Variants in ALK observed in about 807,000 individuals in gnomAD.
ALK encodes the protein ALK receptor tyrosine kinase, also known as ALK tyrosine kinase receptor.
Under a neutral mutation model 163.1 loss-of-function variants are expected in ALK, and 74 were observed. That is an observed-to-expected ratio of 0.45 (90% CI 0.38 to 0.55). The LOEUF is 0.55. Among genes scored for constraint, ALK ranks in the 20% least tolerant of loss-of-function variants. The pLI is 0.00. For missense variants in ALK, 2,063 were observed against 2,105.3 expected, an observed-to-expected ratio of 0.98 and a Z score of 0.39; for synonymous variants, 960 against 843.2, an observed-to-expected ratio of 1.14 and a Z score of -2.40.
chr2:29,234,567 C>T (rs1007878497), intron 13 of ALK, among the ~76,000 whole-genome samples: 4 of 152,044 alleles, frequency 2.6e-5, no homozygotes, highest in Non-Finnish European at 5.9e-5. Context: ...TAGAGTGAGC[C>T]CTGCAATCAG....
intron 25 of ALK, 21 bp from the exon 26 acceptor site, chr2:29,207,293 A>G: frequency 1.3e-6 from 2 of 1,587,224 alleles, no homozygotes; most frequent in African/African-American, 1.3e-5. Flanking sequence ...GGAGAGGAAA[A>G]CCAAACTAGG....
At chr2:29,782,960 C>T (rs1663876526) in intron 1 of ALK, among the ~76,000 whole-genome samples, 1 of 152,206 alleles carries the variant, frequency 6.6e-6, no homozygotes, top group African/African-American at 2.4e-5. Context: ...TTTTGCTGTT[C>T]ATGAACATTA....
At chr2:29,200,696 A>C (rs1669135129) in intron 26 of ALK, among the ~76,000 whole-genome samples, 2 of 91,996 alleles carry the variant, frequency 2.2e-5, no homozygotes, top group Admixed American at 1.0e-4. Context: ...TTTGCACCAG[A>C]GCATTTAAAA....
intron 1 of ALK, among the ~76,000 whole-genome samples, chr2:29,872,028 A>G (rs1298455341): frequency 6.6e-6 from 1 of 152,184 alleles, no homozygotes; most frequent in Non-Finnish European, 1.5e-5. Flanking sequence ...CGTGGCTGAC[A>G]TAGATCTCAT....
intron 4 of ALK, among the ~76,000 whole-genome samples, chr2:29,444,784 G>A (rs1290443170): frequency 6.6e-6 from 1 of 152,142 alleles, no homozygotes; most frequent in Non-Finnish European, 1.5e-5. Flanking sequence ...CCTAGGCACT[G>A]TGCATTCCTC....
intron 23 of ALK, 127 bp downstream of exon 23, chr2:29,220,579 C>G (rs1483207113): frequency 7.4e-7 from 1 of 1,359,828 alleles, no homozygotes; most frequent in Non-Finnish European, 1.0e-6. Context: ...ACCCCCCTGT[C>G]CAAGCCTAAA....
At chr2:29,583,030 C>A (rs1455632030) in intron 3 of ALK, among the ~76,000 whole-genome samples, 1 of 83,304 alleles carries the variant, frequency 1.2e-5, no homozygotes, top group Non-Finnish European at 2.5e-5. Context: ...GCCTGGCTAA[C>A]TTTTGTTTTT....
At chr2:29,194,970 A>G (rs1668988301) in intron 28 of ALK, among the ~76,000 whole-genome samples, 1 of 152,230 alleles carries the variant, frequency 6.6e-6, no homozygotes, top group Non-Finnish European at 1.5e-5. Context: ...AATTTGTGGA[A>G]GAAAAATTAA....
At chr2:29,444,475 G>T (rs149523410) in intron 4 of ALK, among the ~76,000 whole-genome samples, 90 of 152,288 alleles carry the variant, frequency 5.9e-4, no homozygotes, top group African/African-American at 2.1e-3. Context: ...GAACAAAGGA[G>T]GAGTGGGTGC....
At chr2:29,334,754 C>T (rs73920788) in intron 5 of ALK, among the ~76,000 whole-genome samples, 24,209 of 152,190 alleles carry the variant, frequency 0.16, 2,054 homozygotes, top group African/African-American at 0.2. Flanking sequence ...CTCCCTGGCA[C>T]GGCCTTCTCT....
intron 1 of ALK, among the ~76,000 whole-genome samples, chr2:29,893,490 G>GTGTTAT (rs1367517163): frequency 6.6e-6 from 1 of 152,126 alleles, no homozygotes; most frequent in African/African-American, 2.4e-5. Context: ...TTAGTTCTTT[G>GTGTTAT]TGTTATTGTT....
At chr2:29,281,050 T>C (rs1665704958) in intron 9 of ALK, among the ~76,000 whole-genome samples, 1 of 151,824 alleles carries the variant, frequency 6.6e-6, no homozygotes, top group South Asian at 2.1e-4. Context: ...GGTAGACCAC[T>C]GTGGGACTGA....
chr2:29,274,987 A>C, intron 11 of ALK, 112 bp downstream of exon 11: 1 of 1,410,688 alleles, frequency 7.1e-7, no homozygotes, highest in South Asian at 1.2e-5. Context: ...CTCCTTCTAA[A>C]GACTGTTTCA....
At chr2:29,478,070 A>C (rs949719716) in intron 4 of ALK, among the ~76,000 whole-genome samples, 1 of 152,204 alleles carries the variant, frequency 6.6e-6, no homozygotes, top group African/African-American at 2.4e-5. Flanking sequence ...AAAAATGAAG[A>C]GACTGTCTCA....
At chr2:29,516,149 T>C (rs1286473650) in intron 4 of ALK, among the ~76,000 whole-genome samples, 1 of 152,168 alleles carries the variant, frequency 6.6e-6, no homozygotes, top group Non-Finnish European at 1.5e-5. Context: ...TACCTAAGAA[T>C]ACATTATGTA....
At chr2:29,244,540 C>T (rs1664608362) in intron 12 of ALK, among the ~76,000 whole-genome samples, 1 of 152,166 alleles carries the variant, frequency 6.6e-6, no homozygotes, top group African/African-American at 2.4e-5. Flanking sequence ...TTAGCACCTT[C>T]CTGGCCAGTG....
intron 1 of ALK, among the ~76,000 whole-genome samples, chr2:29,919,067 C>T (rs1353818198): frequency 6.6e-6 from 1 of 152,166 alleles, no homozygotes; most frequent in Non-Finnish European, 1.5e-5. Context: ...CACACACCCC[C>T]AACTCAGTGA....
rs1664017012 is a variant in ALK, at chr2:29,226,926, G to A, written c.3063C>T (p.Cys1021=). 18 of 1,614,114 alleles carry A rather than the reference G, an allele frequency of 1.1e-5. No homozygotes were observed. The highest frequency in any genetic ancestry group is 1.4e-5 in the Non-Finnish European group (16 of 1,180,020). ...GTVLAEDGVS[C]IVSPTPEPHL... ...CCCCTGGCCCTGCCCCCTTACCAATGCAGGAGACGCCATCCTCAGCCAGCA... is the reference window on the plus strand; with the variant it reads ...CCCCTGGCCCTGCCCCCTTACCAATACAGGAGACGCCATCCTCAGCCAGCA... Residue 1021 remains cysteine (C), a synonymous_variant, in exon 18 of 29, where the codon TGC becomes TGT. Transcript: ENST00000389048.
intron 1 of ALK, among the ~76,000 whole-genome samples, chr2:29,868,254 C>A (rs1489504569): frequency 6.6e-6 from 1 of 152,188 alleles, no homozygotes; most frequent in Non-Finnish European, 1.5e-5. Flanking sequence ...GAATAAGGGG[C>A]TCCTGCCCTT....
Sources: gnomAD v4.1 joint callset for allele counts (sites outside exome capture counted in the v4.1 genomes callset) on GRCh38, gnomAD v4.1.1 for gene constraint, MANE v1.5 for transcripts, NCBI Gene and HGNC (gene_info 2026-07-23, HGNC 2026-07-21) for gene names.